The following SBF2 variants were observed in gnomAD, a reference collection of about 807,000 sequenced individuals.
SBF2 encodes myotubularin-related protein 13.
Under a neutral mutation model 225.2 loss-of-function variants are expected in SBF2, and 112 were observed. The ratio of observed to expected loss-of-function variants is 0.50; its 90% confidence interval spans 0.43 to 0.58. The LOEUF is 0.58. Ranked by LOEUF, SBF2 falls within the 20% of genes least tolerant of loss-of-function variation. The pLI, the probability that SBF2 is intolerant of heterozygous loss-of-function variation, is 0.00. For synonymous variants in SBF2, 763 were observed against 773.3 expected, an observed-to-expected ratio of 0.99 and a Z score of 0.22; for missense variants, 1,996 against 2,206.2, an observed-to-expected ratio of 0.90 and a Z score of 1.91.
At chr11:10,247,278 A>G (rs566487008) in intron 1 of SBF2, among the ~76,000 whole-genome samples, 2 of 152,338 alleles carry the variant, frequency 1.3e-5, no homozygotes, top group East Asian at 3.9e-4. Flanking sequence ...GAAATCAAGC[A>G]AACTACACAA....
intron 2 of SBF2, among the ~76,000 whole-genome samples, chr11:10,072,484 T>C (rs920071469): frequency 2.6e-5 from 4 of 152,086 alleles, no homozygotes; most frequent in East Asian, 3.8e-4. Flanking sequence ...ATTTTTTTTT[T>C]CAATTAAAAT....
intron 2 of SBF2, among the ~76,000 whole-genome samples, chr11:10,082,488 G>C (rs767513973): frequency 6.6e-6 from 1 of 151,898 alleles, no homozygotes; most frequent in Non-Finnish European, 1.5e-5. Flanking sequence ...AATCCTTGAC[G>C]GAATACTAGA....
intron 2 of SBF2, among the ~76,000 whole-genome samples, chr11:10,162,184 C>CA (rs1955777397): frequency 7.2e-6 from 1 of 138,960 alleles, no homozygotes; most frequent in Non-Finnish European, 1.6e-5. Flanking sequence ...CCTACCTTGT[C>CA]TTTTTTTTTT....
At chr11:10,143,301 A>G (rs1954735983) in intron 2 of SBF2, among the ~76,000 whole-genome samples, 1 of 152,042 alleles carries the variant, frequency 6.6e-6, no homozygotes, top group Non-Finnish European at 1.5e-5. Flanking sequence ...CCTCCCAAAT[A>G]GCTGGGACTA....
At chr11:10,276,568 T>G (rs185067146) in intron 1 of SBF2, among the ~76,000 whole-genome samples, 24 of 152,340 alleles carry the variant, frequency 1.6e-4, no homozygotes, top group Non-Finnish European at 3.4e-4. Context: ...AATGTATTTA[T>G]AGACAAAAGT....
chr11:9,830,748 A>C (rs975616484), intron 27 of SBF2, among the ~76,000 whole-genome samples: 10 of 151,380 alleles, frequency 6.6e-5, no homozygotes, highest in Admixed American at 1.3e-4. Context: ...TCAAAAACAA[A>C]AAAAAAAAAA....
At chr11:9,852,816 A>G (rs1857052391) in intron 20 of SBF2, 67 bp from the exon 21 acceptor site, 1 of 1,200,374 alleles carries the variant, frequency 8.3e-7, no homozygotes, top group Non-Finnish European at 1.2e-6. Context: ...AATTCTGGAT[A>G]TTTTAGAATT....
intron 39 of SBF2, 95 bp from the exon 40 acceptor site, chr11:9,780,611 C>G: frequency 1.1e-6 from 1 of 925,932 alleles, no homozygotes; most frequent in Non-Finnish European, 1.8e-6. Flanking sequence ...CCTTTCTTTT[C>G]CATACTGCCC....
At chr11:10,245,279 C>A (rs10770103) in intron 1 of SBF2, among the ~76,000 whole-genome samples, 30,230 of 151,942 alleles carry the variant, frequency 0.2, 3,946 homozygotes, top group Non-Finnish European at 0.3. Flanking sequence ...TGTGGGAGTG[C>A]ATGCCTGCAA....
At chr11:10,067,369 G>T (rs1242099846) in intron 2 of SBF2, among the ~76,000 whole-genome samples, 1 of 151,820 alleles carries the variant, frequency 6.6e-6, no homozygotes, top group African/African-American at 2.4e-5. Flanking sequence ...TTGTGTGTTT[G>T]TTTTTTTGAG....
intron 2 of SBF2, among the ~76,000 whole-genome samples, chr11:10,099,598 T>C (rs1359090430): frequency 6.6e-6 from 1 of 152,154 alleles, no homozygotes; most frequent in Non-Finnish European, 1.5e-5. Flanking sequence ...CATTTTTAAC[T>C]CTGGTACAAA....
intron 31 of SBF2, 68 bp from the exon 32 acceptor site, chr11:9,808,253 G>A (rs1853964691): frequency 3.7e-6 from 5 of 1,358,732 alleles, no homozygotes; most frequent in Non-Finnish European, 5.2e-6. Flanking sequence ...TAAGATAAAA[G>A]CACTTCCTTC....
At chr11:10,288,539 GCTC>G (rs1473888868) in intron 1 of SBF2, among the ~76,000 whole-genome samples, 8 of 152,108 alleles carry the variant, frequency 5.3e-5, no homozygotes, top group Middle Eastern at 6.8e-3. Flanking sequence ...AGAGAGGGCA[GCTC>G]CTCTCTGCAG....
chr11:9,964,802 A>G (rs1866793476), intron 14 of SBF2, among the ~76,000 whole-genome samples: 2 of 152,224 alleles, frequency 1.3e-5, no homozygotes, highest in South Asian at 4.1e-4. Context: ...TGAAAGTAGT[A>G]TTTATATAAA....
intron 6 of SBF2, among the ~76,000 whole-genome samples, chr11:10,025,427 T>A (rs528543087): frequency 6.6e-6 from 1 of 152,240 alleles, no homozygotes; most frequent in South Asian, 2.1e-4. Flanking sequence ...CAATTTTCCC[T>A]CTTCCCCATA....
intron 16 of SBF2, among the ~76,000 whole-genome samples, chr11:9,923,648 G>C (rs536388957): frequency 2.0e-5 from 3 of 151,966 alleles, no homozygotes; most frequent in African/African-American, 7.2e-5. Flanking sequence ...TTCTAGGCAG[G>C]CTCCTCCTGG....
In SBF2 at chr11:9,856,412, C is replaced by T. The variant is rs543190162; in HGVS notation, c.2363+46G>A. 20 of 1,611,516 alleles carry T rather than the reference C, an allele frequency of 1.2e-5. No individual in the cohort carries two copies. In the African/African-American group the frequency reaches 1.9e-4, roughly 15 times the overall value. ...ATATTATCTGTCAAGCCAAGACTGG[C>T]CCCAAGAAGAGTAGGAGGAGGGTCT... On this transcript the variant is annotated intron_variant, in intron 19 of 39. Coordinates refer to ENST00000256190, the MANE Select transcript of SBF2 (RefSeq NM_030962.4).
chr11:9,911,082 A>C (rs1043688322), intron 16 of SBF2, among the ~76,000 whole-genome samples: 30 of 143,464 alleles, frequency 2.1e-4, no homozygotes, highest in South Asian at 1.0e-3. Flanking sequence ...AACAAAAAAA[A>C]CACGACTGGG....
intron 32 of SBF2, among the ~76,000 whole-genome samples, chr11:9,805,124 T>C (rs1324880832): frequency 6.6e-6 from 1 of 151,868 alleles, no homozygotes; most frequent in Non-Finnish European, 1.5e-5. Flanking sequence ...TGTGCACCTA[T>C]GGTCCCAGCT....
Sources: gnomAD v4.1 joint callset for allele counts (sites outside exome capture counted in the v4.1 genomes callset) on GRCh38, gnomAD v4.1.1 for gene constraint, MANE v1.5 for transcripts, NCBI Gene and HGNC (gene_info 2026-07-23, HGNC 2026-07-21) for gene names.